NLGN1: variants seen among roughly 807,000 people sequenced by gnomAD.
NLGN1 encodes the protein neuroligin-1.
A neutral mutation model predicts 65.5 loss-of-function variants in NLGN1; 12 were observed. The observed-to-expected ratio is 0.18, with a 90% CI of 0.12 to 0.30. NLGN1 has a LOEUF of 0.30. Among genes scored for constraint, NLGN1 ranks in the 10% least tolerant of loss-of-function variants. The probability of loss-of-function intolerance (pLI) is 1.00; values close to 1 mark genes in which losing one functional copy is unlikely to be tolerated. For missense variants in NLGN1, 750 were observed against 1,007.1 expected (o/e 0.74, Z 3.46); for synonymous variants, 350 against 359.5 (o/e 0.97, Z 0.30).
At chr3:173,520,079 C>G (rs1250708245) in intron 2 of NLGN1, among the ~76,000 whole-genome samples, 1 of 152,300 alleles carries the variant, frequency 6.6e-6, no homozygotes, top group East Asian at 1.9e-4. Context: ...TTCCTCCTCT[C>G]TCTCTTCTCC....
chr3:173,647,471 A>G (rs374197778), intron 3 of NLGN1, among the ~76,000 whole-genome samples: 155 of 152,266 alleles, frequency 1.0e-3, no homozygotes, highest in African/African-American at 3.6e-3. Context: ...GTACATTTAA[A>G]TGGATCCAAG....
chr3:173,524,728 A>G (rs932902651), intron 2 of NLGN1, among the ~76,000 whole-genome samples: 2 of 152,048 alleles, frequency 1.3e-5, no homozygotes, highest in African/African-American at 4.8e-5. Context: ...ACTGTTTTGA[A>G]GTATGTTTCT....
At chr3:173,630,218 A>G (rs1755468762) in intron 3 of NLGN1, among the ~76,000 whole-genome samples, 1 of 152,180 alleles carries the variant, frequency 6.6e-6, no homozygotes. Context: ...TTTCCAAGGT[A>G]TGAGGAAGAA....
In NLGN1 at chr3:174,280,951, A is replaced by G. The variant is rs1751427967; in HGVS notation, c.2120A>G (p.Asp707Gly). Residue 707 changes from aspartate (D) to glycine (G), a missense_variant, in exon 7 of 7, where the codon GAT (aspartate) becomes GGT (glycine). Physicochemically the swap from Asp to Gly is moderately conservative, Grantham distance 94. Coordinates refer to ENST00000457714, the Ensembl canonical transcript of NLGN1. The surrounding 1 kb of genome is among the most constrained non-coding windows in gnomAD (Gnocchi z 4.9). The stretch of plus-strand genomic sequence containing the variant: ...TACAAAAAGGATAAGAGGAGACATG[A>G]TGTTCACAGGAGATGCAGCCCTCAG... The G allele has an allele frequency of 6.2e-7, 1 of 1,613,348 alleles. No homozygotes were observed. Among genetic ancestry groups the G allele is most frequent in the Non-Finnish European group, 8.5e-7 (1 of 1,179,606 alleles).
At chr3:173,606,349 A>G (rs1433980957) in intron 3 of NLGN1, among the ~76,000 whole-genome samples, 1 of 152,096 alleles carries the variant, frequency 6.6e-6, no homozygotes, top group Non-Finnish European at 1.5e-5. Flanking sequence ...TTGCATCTGA[A>G]TGTAGCTTGT....
At chr3:173,803,645 T>A (rs1377682290) in intron 3 of NLGN1, among the ~76,000 whole-genome samples, 1 of 150,476 alleles carries the variant, frequency 6.6e-6, no homozygotes, top group East Asian at 2.0e-4. Context: ...TACTATATAG[T>A]TCAAGACAAT....
chr3:173,424,325 A>G (rs1454860992), intron 1 of NLGN1, among the ~76,000 whole-genome samples: 1 of 152,142 alleles, frequency 6.6e-6, no homozygotes, highest in Non-Finnish European at 1.5e-5. Flanking sequence ...TGCTAATAAC[A>G]TTCAGCTCCT....
chr3:174,181,745 A>G (rs1730446311), intron 4 of NLGN1, among the ~76,000 whole-genome samples: 1 of 151,008 alleles, frequency 6.6e-6, no homozygotes, highest in South Asian at 2.1e-4. Flanking sequence ...CCTGGGCAAC[A>G]TGGTGAAACC....
At chr3:173,861,515 C>CGTGTGTGTGTGT (rs145812733) in intron 4 of NLGN1, among the ~76,000 whole-genome samples, 9 of 141,450 alleles carry the variant, frequency 6.4e-5, no homozygotes, top group South Asian at 2.4e-4. Flanking sequence ...GTAGCTGGCA[C>CGTGTGTGTGTGT]GTGTGTGTGT....
chr3:174,001,547 G>T (rs1250086139), intron 4 of NLGN1, among the ~76,000 whole-genome samples: 1 of 152,174 alleles, frequency 6.6e-6, no homozygotes, highest in East Asian at 1.9e-4. Context: ...AAAATGTATT[G>T]TAGGGGTTAA....
chr3:174,189,209 T>G (rs1272324017), intron 4 of NLGN1, among the ~76,000 whole-genome samples: 1 of 151,972 alleles, frequency 6.6e-6, no homozygotes, highest in Non-Finnish European at 1.5e-5. Flanking sequence ...TCTAGCTAAA[T>G]TATCTGGAAA....
chr3:173,557,318 T>C (rs1383699634), intron 2 of NLGN1, among the ~76,000 whole-genome samples: 1 of 152,102 alleles, frequency 6.6e-6, no homozygotes, highest in African/African-American at 2.4e-5. Context: ...TGTGTTTCTA[T>C]TTATTTTTAA....
intron 3 of NLGN1, among the ~76,000 whole-genome samples, chr3:173,731,967 A>T (rs957589950): frequency 6.6e-6 from 1 of 152,074 alleles, no homozygotes; most frequent in Non-Finnish European, 1.5e-5. Context: ...AAAATAGATG[A>T]TGTATATTTT....
At chr3:174,058,688 C>T (rs1327717039) in intron 4 of NLGN1, among the ~76,000 whole-genome samples, 1 of 151,578 alleles carries the variant, frequency 6.6e-6, no homozygotes, top group Non-Finnish European at 1.5e-5. Flanking sequence ...ATTATTTTAC[C>T]TGACCTACCT....
Position 174,272,842 on chromosome 3 carries a change from C to T in NLGN1, c.647-2473C>T, listed in dbSNP as rs924311267. On this transcript the variant is annotated intron_variant, in intron 4 of 6. Coordinates refer to ENST00000457714, the Ensembl canonical transcript of NLGN1. ...AGTAATCTTGGACGTTTTGAGGCTACAGCACAATAACTTCTACCCAATGAT... is the reference window on the plus strand; with the variant it reads ...AGTAATCTTGGACGTTTTGAGGCTATAGCACAATAACTTCTACCCAATGAT... Among the ~76,000 whole-genome samples the T allele has an allele frequency of 2.6e-5, 4 of 151,554 alleles. No homozygotes were observed. The East Asian group carries it at 7.8e-4, about 29-fold the overall frequency.
intron 2 of NLGN1, among the ~76,000 whole-genome samples, chr3:173,504,392 AAT>A (rs1296769413): frequency 2.0e-5 from 3 of 152,098 alleles, no homozygotes; most frequent in African/African-American, 4.8e-5. Flanking sequence ...CGTTTTCAGA[AAT>A]AGTGTTTTTA....
At chr3:173,935,622 A>ACTCTCTCT (rs72137673) in intron 4 of NLGN1, among the ~76,000 whole-genome samples, 67 of 108,064 alleles carry the variant, frequency 6.2e-4, no homozygotes, top group African/African-American at 2.4e-3. Flanking sequence ...ACACACACAC[A>ACTCTCTCT]CTCTCTCTCT....
rs1045024083 is a variant in NLGN1 at position 174,279,846 on chromosome 3, T to G, written c.1649+196T>G. On this transcript the variant is annotated intron_variant, in intron 6 of 6. Coordinates refer to ENST00000457714, the Ensembl canonical transcript of NLGN1. The surrounding 1 kb of genome is among the most constrained non-coding windows in gnomAD (Gnocchi z 4.7). The stretch of plus-strand genomic sequence containing the variant: ...TTATTATTTCTGGTGTTTTAGAAGC[T>G]TGTTAAGAAAGCACATATCTCAATT... Among the ~76,000 whole-genome samples the G allele has an allele frequency of 1.3e-5, 2 of 151,992 alleles. 1 individual carries two copies. The highest frequency in any genetic ancestry group is 2.9e-5 in the Non-Finnish European group (2 of 67,938).
chr3:174,149,095 A>G (rs57226685), intron 4 of NLGN1, among the ~76,000 whole-genome samples: 1,804 of 152,296 alleles, frequency 0.012, 44 homozygotes, highest in African/African-American at 0.041. Context: ...TGGGTAGAAA[A>G]GAAGTTCCTA....
Sources: gnomAD v4.1 joint callset for allele counts (sites outside exome capture counted in the v4.1 genomes callset) on GRCh38, gnomAD v4.1.1 for gene constraint, Gnocchi (gnomAD v3.1) non-coding constraint, MANE v1.5 for transcripts, NCBI Gene and HGNC (gene_info 2026-07-23, HGNC 2026-07-21) for gene names.